Variants in GPHN observed in about 807,000 individuals in gnomAD.
The protein encoded by GPHN is gephyrin.
In GPHN, 17 loss-of-function variants were observed where a neutral mutation model predicts 95.5. The observed-to-expected ratio is 0.18, with a 90% confidence interval of 0.12 to 0.27. The LOEUF is 0.27. Among genes scored for constraint, GPHN ranks in the 10% least tolerant of loss-of-function variants. The pLI is 1.00. For missense variants in GPHN, 660 were observed against 978.1 expected (o/e 0.67, Z 4.34); for synonymous variants, 320 against 322.5 (o/e 0.99, Z 0.08).
At chr14:66,596,889 T>G (rs559911053) in intron 1 of GPHN, among the ~76,000 whole-genome samples, 1 of 152,316 alleles carries the variant, frequency 6.6e-6, no homozygotes, top group South Asian at 2.1e-4. Flanking sequence ...CAGCCCCAGC[T>G]GTGCCTCCCC....
the GPHN span, among the ~76,000 whole-genome samples, chr14:67,697,942 A>G: frequency 3.0e-4 from 46 of 152,364 alleles, 1 homozygote; most frequent in African/African-American, 1.1e-3. Context: ...CAAGAATGCT[A>G]CATGTGTAAT....
At chr14:66,820,476 T>C (rs2061147805) in intron 3 of GPHN, among the ~76,000 whole-genome samples, 1 of 152,164 alleles carries the variant, frequency 6.6e-6, no homozygotes, top group Non-Finnish European at 1.5e-5. Flanking sequence ...GTGAGGACTG[T>C]CATCAAGTTT....
At chr14:66,660,628 T>C (rs1595444196) in intron 1 of GPHN, among the ~76,000 whole-genome samples, 1 of 152,278 alleles carries the variant, frequency 6.6e-6, no homozygotes, top group Middle Eastern at 3.4e-3. Context: ...AAAAAGTACT[T>C]CCAGTGGGGC....
intron 4 of GPHN, among the ~76,000 whole-genome samples, chr14:66,872,891 A>C (rs1269031970): frequency 1.2e-4 from 16 of 134,838 alleles, no homozygotes; most frequent in Non-Finnish European, 1.9e-4. Flanking sequence ...ACTTTGTCCC[A>C]AAAAAAAAAA....
At chr14:67,204,506 C>T in the GPHN span, 1 of 1,594,470 alleles carries the variant, frequency 6.3e-7, no homozygotes, top group Admixed American at 1.7e-5. Flanking sequence ...CATCAGGTCT[C>T]CAGATGATGT....
At chr14:66,602,537 G>A (rs112711573) in intron 1 of GPHN, among the ~76,000 whole-genome samples, 1 of 151,870 alleles carries the variant, frequency 6.6e-6, no homozygotes, top group East Asian at 1.9e-4. Flanking sequence ...ATGTGAATAC[G>A]AATTTTGTTT....
chr14:67,254,423 C>G, the GPHN span: 1 of 152,132 alleles, frequency 6.6e-6, no homozygotes, highest in Non-Finnish European at 1.5e-5. Flanking sequence ...CTTTCCTCCC[C>G]TGTAAGACTG....
chr14:66,926,137 G>T (rs987080753), intron 8 of GPHN, among the ~76,000 whole-genome samples: 1 of 152,030 alleles, frequency 6.6e-6, no homozygotes, highest in Non-Finnish European at 1.5e-5. Flanking sequence ...ATATAGTCTG[G>T]TTATTAATCC....
At chr14:67,545,155 T>A in the GPHN span, among the ~76,000 whole-genome samples, 5 of 152,212 alleles carry the variant, frequency 3.3e-5, no homozygotes, top group Admixed American at 2.0e-4. Flanking sequence ...TATTTGAAGA[T>A]GGGTCATCTG....
chr14:67,620,606 A>T, the GPHN span, among the ~76,000 whole-genome samples: 1 of 152,148 alleles, frequency 6.6e-6, no homozygotes, highest in Non-Finnish European at 1.5e-5. Flanking sequence ...CAATGAAGGA[A>T]ACCTGCAGTC....
At chr14:67,374,785 AT>A in the GPHN span, 8 of 337,650 alleles carry the variant, frequency 2.4e-5, no homozygotes, top group East Asian at 3.7e-4. Flanking sequence ...GTTTGTTTAA[AT>A]AGAAATGAGG....
the GPHN span, among the ~76,000 whole-genome samples, chr14:67,733,012 C>A: frequency 1.3e-5 from 2 of 151,896 alleles, no homozygotes; most frequent in African/African-American, 2.4e-5. Flanking sequence ...AGGAGATATA[C>A]CTAATGCTAA....
At chr14:67,325,316 T>C in the GPHN span, among the ~76,000 whole-genome samples, 70 of 152,310 alleles carry the variant, frequency 4.6e-4, no homozygotes, top group African/African-American at 1.6e-3. Flanking sequence ...AATCTATATG[T>C]GAGGTTAAGA....
intron 10 of GPHN, among the ~76,000 whole-genome samples, chr14:67,039,912 T>C (rs1275875324): frequency 6.6e-6 from 1 of 152,236 alleles, no homozygotes; most frequent in Non-Finnish European, 1.5e-5. Context: ...TGTCAGTCTA[T>C]ATAATCTAGA....
the GPHN span, among the ~76,000 whole-genome samples, chr14:67,402,786 C>T: frequency 6.6e-6 from 1 of 152,128 alleles, no homozygotes; most frequent in East Asian, 1.9e-4. Context: ...GAATAGTATT[C>T]CATTGTATAT....
intron 4 of GPHN, among the ~76,000 whole-genome samples, chr14:66,840,944 C>T (rs1166183132): frequency 6.8e-6 from 1 of 147,366 alleles, no homozygotes; most frequent in Non-Finnish European, 1.5e-5. Flanking sequence ...GCTTCATGGA[C>T]TCAAATATGT....
the GPHN span, among the ~76,000 whole-genome samples, chr14:67,452,733 T>C: frequency 0.014 from 2,112 of 152,274 alleles, 52 homozygotes; most frequent in African/African-American, 0.048. Context: ...AATTTCTCTC[T>C]CTGTGCCCAG....
chr14:66,907,356 G>A (rs981219334), intron 5 of GPHN, among the ~76,000 whole-genome samples: 21 of 152,256 alleles, frequency 1.4e-4, no homozygotes, highest in African/African-American at 5.1e-4. Flanking sequence ...CTAACTTTAT[G>A]ACATTGTAGT....
chr14:67,008,523 C>T (rs1416709695), intron 9 of GPHN, among the ~76,000 whole-genome samples: 2 of 151,454 alleles, frequency 1.3e-5, no homozygotes, highest in Admixed American at 6.6e-5. Flanking sequence ...TTCTCTTACA[C>T]ACATCTTTTT....
Sources: gnomAD v4.1 joint callset for allele counts (sites outside exome capture counted in the v4.1 genomes callset) on GRCh38, gnomAD v4.1.1 for gene constraint, MANE v1.5 for transcripts, NCBI Gene and HGNC (gene_info 2026-07-23, HGNC 2026-07-21) for gene names.